Variants in BTLA observed in about 807,000 individuals in gnomAD.
BTLA encodes B and T lymphocyte associated.
A neutral mutation model predicts 25.0 loss-of-function variants in BTLA; 11 were observed. The ratio of observed to expected loss-of-function variants is 0.44; its 90% CI spans 0.28 to 0.73. The LOEUF (loss-of-function observed/expected upper bound fraction) is 0.73. BTLA is among the 30% of genes least tolerant of loss of function. BTLA has a pLI of 0.15. For missense variants in BTLA, 282 were observed against 332.8 expected (o/e 0.85, Z 1.19); for synonymous variants, 104 against 119.8 (o/e 0.87, Z 0.86).
intron 2 of BTLA, among the ~76,000 whole-genome samples, chr3:112,478,847 A>G (rs1210403530): frequency 2.0e-5 from 3 of 152,108 alleles, no homozygotes; most frequent in Non-Finnish European, 4.4e-5. Context: ...CCCAAGCTTA[A>G]CTTCTATCTG....
chr3:112,472,552 C>A (rs1433042705), intron 2 of BTLA, among the ~76,000 whole-genome samples: 1 of 151,908 alleles, frequency 6.6e-6, no homozygotes, highest in African/African-American at 2.4e-5. Context: ...CAAAAATTAG[C>A]TGGGCGTGGT....
At chr3:112,468,061 A>G (rs971683647) in intron 4 of BTLA, among the ~76,000 whole-genome samples, 2 of 152,246 alleles carry the variant, frequency 1.3e-5, no homozygotes, top group African/African-American at 2.4e-5. Context: ...CCAATGCACC[A>G]CAATGTGGTG....
intron 3 of BTLA, chr3:112,470,088 C>T: frequency 3.8e-6 from 1 of 263,516 alleles, no homozygotes; most frequent in Non-Finnish European, 7.3e-6. Flanking sequence ...GCTCTGGGGA[C>T]ATTCCATACT....
At position 112,464,525 on chromosome 3, in the gene BTLA, A is replaced by G; in HGVS notation, c.*1583T>C. The G allele has an allele frequency of 5.2e-6, 1 of 193,550 alleles. No homozygotes were observed. The highest frequency in any genetic ancestry group is 1.0e-5 in the Non-Finnish European group (1 of 95,656). The allele number at this position is 193,550 out of a possible 1,614,324, so 12.0% of individuals were successfully genotyped here. A position where few individuals can be genotyped will look rare whatever the true frequency, so the allele number is the denominator to read the frequency against. On this transcript the variant is annotated 3_prime_UTR_variant, in exon 5 of 5. Coordinates refer to ENST00000334529, the MANE Select transcript of BTLA (RefSeq NM_181780.4). ...TTGAAATTCTAGGTGTAATTGGCAAAATAACAGTGACTCAAAAGAATATTT... is the reference window on the plus strand; with the variant it reads ...TTGAAATTCTAGGTGTAATTGGCAAGATAACAGTGACTCAAAAGAATATTT...
At chr3:112,479,372 A>G in intron 2 of BTLA, 83 bp downstream of exon 2, 3 of 1,364,146 alleles carry the variant, frequency 2.2e-6, no homozygotes, top group South Asian at 2.8e-5. Context: ...GCTTTCTAAC[A>G]TAATCACTTG....
intron 2 of BTLA, among the ~76,000 whole-genome samples, chr3:112,478,049 T>C (rs2633560): frequency 0.15 from 22,836 of 151,308 alleles, 3,617 homozygotes; most frequent in African/African-American, 0.39. Flanking sequence ...AGTTTTGAAA[T>C]AGGGAAGTCT....
rs2082283823 is a variant in BTLA at position 112,475,396 on chromosome 3, C to G, written c.404-4041G>C. The stretch of plus-strand genomic sequence containing the variant: ...CACATACTTTGTTCCATAAAACCCC[C>G]CAAGGCACAGGATTTAGGAGGGAAT... On this transcript the variant is annotated intron_variant, in intron 2 of 4. Transcript: ENST00000334529. Among the ~76,000 whole-genome samples, 4 of 152,268 alleles carry G rather than the reference C, an allele frequency of 2.6e-5. No homozygotes were observed. The South Asian group carries it at 8.3e-4, about 32-fold the overall frequency.
chr3:112,466,940 T>G (rs1462557912), intron 4 of BTLA, among the ~76,000 whole-genome samples: 3 of 140,342 alleles, frequency 2.1e-5, no homozygotes, highest in African/African-American at 7.7e-5. Flanking sequence ...TTGTTATTCC[T>G]ATCAAAAGAA....
intron 4 of BTLA, 108 bp downstream of exon 4, chr3:112,469,634 TATATATATATATATAG>T (rs1217539729): frequency 1.8e-3 from 77 of 43,584 alleles, no homozygotes; most frequent in African/African-American, 4.0e-3. Context: ...TATATATATA[TATATATATATATATAG>T]TACATAGAAT....
intron 1 of BTLA, among the ~76,000 whole-genome samples, chr3:112,493,195 C>T (rs567727363): frequency 2.0e-5 from 3 of 152,220 alleles, no homozygotes; most frequent in East Asian, 1.9e-4. Context: ...ACAACTCAAG[C>T]GCATGATTCT....
chr3:112,493,088 A>G (rs1309672311), intron 1 of BTLA, among the ~76,000 whole-genome samples: 1 of 152,194 alleles, frequency 6.6e-6, no homozygotes, highest in Admixed American at 6.5e-5. Flanking sequence ...AGAGTATACC[A>G]GAAAGGTACA....
intron 1 of BTLA, among the ~76,000 whole-genome samples, chr3:112,482,379 T>G (rs1053462019): frequency 6.6e-6 from 1 of 152,246 alleles, no homozygotes; most frequent in African/African-American, 2.4e-5. Context: ...GCCTTGCCTG[T>G]GATCACACAG....
At chr3:112,481,681 T>A (rs2082318961) in intron 1 of BTLA, among the ~76,000 whole-genome samples, 1 of 152,262 alleles carries the variant, frequency 6.6e-6, no homozygotes, top group African/African-American at 2.4e-5. Context: ...CTCCCTTCTA[T>A]CCATATTAAT....
In BTLA at chr3:112,466,354, T is replaced by C. The variant is rs1288863012; in HGVS notation, c.624A>G (p.Thr208=). The change falls in exon 5 of 5, where the codon ACA becomes ACG. Residue 208 remains threonine, a synonymous_variant. Transcript: ENST00000334529. The part of the protein sequence containing the change: ...LVDAHLKSEQ[T]EASTRQNSQV... ...GGGAATTTTGCCTGGTGCTTGCTTC[T>C]GTTTGCTCACTCTTAAGGTGAGCAT... is the stretch of plus-strand genomic sequence containing the variant. The C allele has an allele frequency of 6.2e-7, 1 of 1,612,292 alleles. No homozygotes were observed. Among genetic ancestry groups the C allele is most frequent in the Non-Finnish European group, 8.5e-7 (1 of 1,179,132 alleles).
In BTLA at chr3:112,466,309, A is replaced by G. The variant is rs138367781; in HGVS notation, c.669T>C (p.Thr223=). ...GGTCAGGGTCATTATCATAAATTCC[A>G]GTTTCTGATAGCAGTACTTGGGAAT... ...RQNSQVLLSE[T]GIYDNDPDLC... is the part of the protein sequence containing the mutation. Residue 223 remains threonine, a synonymous_variant, in exon 5 of 5, where the codon ACT becomes ACC. Coordinates refer to ENST00000334529, the MANE Select transcript of BTLA (RefSeq NM_181780.4). 1.1e-4 allele frequency: 177 copies of G among 1,613,806 alleles called. No individual in the cohort carries two copies. The highest frequency in any genetic ancestry group is 8.0e-4 in the Admixed American group (48 of 59,992).
intron 1 of BTLA, among the ~76,000 whole-genome samples, chr3:112,494,143 A>T (rs1345586921): frequency 6.6e-6 from 1 of 152,134 alleles, no homozygotes. Flanking sequence ...GCCACCAACA[A>T]ACATAAGAAT....
intron 1 of BTLA, among the ~76,000 whole-genome samples, chr3:112,486,504 T>C (rs1404983205): frequency 6.6e-6 from 1 of 152,176 alleles, no homozygotes; most frequent in African/African-American, 2.4e-5. Flanking sequence ...AATGCACAGG[T>C]ATTTATTCAA....
intron 4 of BTLA, 38 bp from the exon 5 acceptor site, chr3:112,466,421 C>T (rs773470437): frequency 1.1e-5 from 16 of 1,513,948 alleles, no homozygotes; most frequent in East Asian, 2.3e-5. Flanking sequence ...GTGACACTTA[C>T]GGCCATGGTA....
At chr3:112,469,607 GTATATATATATATATATATATATA>G (rs60258722) in intron 4 of BTLA, 127 bp downstream of exon 4, 10 of 58,450 alleles carry the variant, frequency 1.7e-4, no homozygotes, top group African/African-American at 5.7e-4. Flanking sequence ...ATGGGTCTAT[GTATATATATATATATATATATATA>G]TATATATATA....
Sources: allele counts gnomAD v4.1 joint callset (sites outside exome capture counted in the v4.1 genomes callset), GRCh38; gene constraint gnomAD v4.1.1; transcripts MANE v1.5; gene names NCBI Gene and HGNC (gene_info 2026-07-23, HGNC 2026-07-21).